PPP6R3: variants seen among roughly 807,000 people sequenced by gnomAD.
PPP6R3 encodes the protein serine/threonine-protein phosphatase 6 regulatory subunit 3.
A neutral mutation model predicts 110.7 loss-of-function variants in PPP6R3; 38 were observed. That is an observed-to-expected ratio of 0.34 (90% CI 0.26 to 0.45). The LOEUF is 0.45. Ranked by LOEUF, PPP6R3 falls within the 20% of genes least tolerant of loss-of-function variation. The probability of loss-of-function intolerance (pLI) is 1.00; values close to 1 mark genes in which losing one functional copy is unlikely to be tolerated. For synonymous variants in PPP6R3, 369 were observed against 373.5 expected, an observed-to-expected ratio of 0.99 and a Z score of 0.14; for missense variants, 870 against 1,062.4, an observed-to-expected ratio of 0.82 and a Z score of 2.52.
intron 1 of PPP6R3, among the ~76,000 whole-genome samples, chr11:68,504,255 T>G (rs2099063561): frequency 6.6e-6 from 1 of 152,160 alleles, no homozygotes; most frequent in African/African-American, 2.4e-5. Flanking sequence ...TCAGGTTCTT[T>G]GAGAGTTACT....
At chr11:68,477,557 T>C (rs180778263) in intron 1 of PPP6R3, among the ~76,000 whole-genome samples, 184 of 151,572 alleles carry the variant, frequency 1.2e-3, no homozygotes, top group African/African-American at 4.1e-3. Flanking sequence ...AGACCCCATC[T>C]CTACACAAAA....
At chr11:68,480,003 A>G (rs545677928) in intron 1 of PPP6R3, among the ~76,000 whole-genome samples, 2 of 152,034 alleles carry the variant, frequency 1.3e-5, no homozygotes, top group Admixed American at 1.3e-4. Context: ...AAGTGCTGGG[A>G]TTACAGGTGT....
intron 1 of PPP6R3, among the ~76,000 whole-genome samples, chr11:68,477,875 C>G (rs1462182496): frequency 6.7e-6 from 1 of 150,316 alleles, no homozygotes; most frequent in Non-Finnish European, 1.5e-5. Context: ...CTGTAGCACT[C>G]AGTTTTTGCT....
chr11:68,603,312 G>C (rs1257291245), intron 21 of PPP6R3, 30 bp from the exon 22 acceptor site: 1 of 1,612,158 alleles, frequency 6.2e-7, no homozygotes, highest in Non-Finnish European at 8.5e-7. Context: ...CGGGCTTGCT[G>C]TGTGTGACCA....
At position 68,544,898 on chromosome 11, in the gene PPP6R3, G is replaced by A. The variant is rs771733839; in HGVS notation, c.288G>A (p.Leu96=). ...TSDVSQMNDR[L]GEDESLLMKL... ...ATGTCTCCCAGATGAATGATAGACTGGGAGAAGATGAATCCTTGCTAATGA... is the reference window on the plus strand; with the variant it reads ...ATGTCTCCCAGATGAATGATAGACTAGGAGAAGATGAATCCTTGCTAATGA... Residue 96 remains leucine, a synonymous_variant, in exon 4 of 24, where the codon CTG becomes CTA. Coordinates refer to ENST00000393800, the MANE Select transcript of PPP6R3 (RefSeq NM_001164161.2). 9 of 1,607,414 alleles carry A rather than the reference G, an allele frequency of 5.6e-6. No homozygotes were observed. The highest frequency in any genetic ancestry group is 7.7e-6 in the Non-Finnish European group (9 of 1,174,120).
intron 15 of PPP6R3, chr11:68,587,520 A>AGG (rs2099582558): frequency 4.8e-6 from 1 of 208,106 alleles, no homozygotes; most frequent in Non-Finnish European, 9.8e-6. Context: ...GGTGGCAAGG[A>AGG]GGGAGGGGGT....
chr11:68,582,903 C>T, intron 14 of PPP6R3, 140 bp from the exon 15 acceptor site: 2 of 684,036 alleles, frequency 2.9e-6, no homozygotes, highest in East Asian at 3.0e-5. Context: ...GCGGGTTTGG[C>T]AGCTTAACTG....
Position 68,575,969 on chromosome 11 carries a change from G to A in PPP6R3, c.1471G>A (p.Glu491Lys), listed in dbSNP as rs1445900056. ...TTCTCACTCTGAAGATCTTCCCGAC[G>A]AAGTCAGGGAACGATGGGAGACGTT... ...VQQLIKDLPD[E>K]VRERWETFCT... The change falls in exon 14 of 24, where the codon GAA becomes AAA. Residue 491 changes from glutamate (E) to lysine (K), a missense_variant. By Grantham distance (56) the Glu-to-Lys change is moderately conservative (BLOSUM62 1). Transcript: ENST00000393800. The A allele has an allele frequency of 3.1e-6, 5 of 1,609,944 alleles. No individual in the cohort carries two copies. The highest frequency in any genetic ancestry group is 1.3e-5 in the African/African-American group (1 of 74,734).
chr11:68,591,791 A>G (rs2099596115), intron 18 of PPP6R3, 85 bp downstream of exon 18: 16 of 1,430,272 alleles, frequency 1.1e-5, no homozygotes, highest in Non-Finnish European at 1.9e-6. Context: ...GTCATCACCA[A>G]ACATACATGT....
At chr11:68,566,975 A>C in intron 9 of PPP6R3, 39 bp from the exon 10 acceptor site, 1 of 1,524,444 alleles carries the variant, frequency 6.6e-7, no homozygotes, top group Non-Finnish European at 8.8e-7. Context: ...TGCTTTGTTC[A>C]TTTAACTGAA....
intron 1 of PPP6R3, among the ~76,000 whole-genome samples, chr11:68,477,741 A>AATATATATATATATATATATATAT (rs1179617745): frequency 1.7e-4 from 10 of 57,890 alleles, no homozygotes; most frequent in African/African-American, 2.9e-4. Flanking sequence ...AAAAAAAAAA[A>AATATATATATATATATATATATAT]ATATATATAT....
intron 6 of PPP6R3, among the ~76,000 whole-genome samples, chr11:68,553,193 G>A (rs551791307): frequency 8.5e-5 from 13 of 152,234 alleles, no homozygotes; most frequent in Non-Finnish European, 1.3e-4. Flanking sequence ...ATGTGTTTGG[G>A]TGCTGAGATT....
At chr11:68,479,159 CAGTA>C (rs1160368282) in intron 1 of PPP6R3, among the ~76,000 whole-genome samples, 2 of 152,254 alleles carry the variant, frequency 1.3e-5, no homozygotes, top group African/African-American at 4.8e-5. Flanking sequence ...AAGTACTTAA[CAGTA>C]AGGGATATGG....
chr11:68,602,511 G>A (rs1024902083), intron 21 of PPP6R3, among the ~76,000 whole-genome samples: 7 of 152,148 alleles, frequency 4.6e-5, no homozygotes, highest in South Asian at 2.1e-4. Context: ...GGAGGAGGGG[G>A]ATGCTAGCAA....
At chr11:68,530,458 G>A (rs1311433205) in intron 2 of PPP6R3, among the ~76,000 whole-genome samples, 1 of 152,224 alleles carries the variant, frequency 6.6e-6, no homozygotes, top group East Asian at 1.9e-4. Context: ...GGTGGAAGCA[G>A]CTGCTTCTCC....
At chr11:68,607,790 T>C (rs1423322312) in intron 22 of PPP6R3, among the ~76,000 whole-genome samples, 1 of 152,158 alleles carries the variant, frequency 6.6e-6, no homozygotes, top group Non-Finnish European at 1.5e-5. Flanking sequence ...TTTTTTTTTT[T>C]TAACACGAGG....
chr11:68,586,979 A>T (rs547143396), intron 15 of PPP6R3: 2 of 152,264 alleles, frequency 1.3e-5, no homozygotes, highest in Admixed American at 1.3e-4. Context: ...CCCACAGAAA[A>T]CGGCAGTCTC....
chr11:68,510,924 T>C (rs57046778), intron 1 of PPP6R3, among the ~76,000 whole-genome samples: 90 of 152,328 alleles, frequency 5.9e-4, no homozygotes, highest in African/African-American at 2.1e-3. Flanking sequence ...AAGATAAGGA[T>C]TGGCTCTCTC....
At chr11:68,579,908 G>A (rs541450993) in intron 14 of PPP6R3, among the ~76,000 whole-genome samples, 1 of 152,222 alleles carries the variant, frequency 6.6e-6, no homozygotes, top group African/African-American at 2.4e-5. Flanking sequence ...TCTACCATGT[G>A]AACTCTATGA....
Sources: gnomAD v4.1 joint callset for allele counts (sites outside exome capture counted in the v4.1 genomes callset) on GRCh38, gnomAD v4.1.1 for gene constraint, MANE v1.5 for transcripts, NCBI Gene and HGNC (gene_info 2026-07-23, HGNC 2026-07-21) for gene names.